KLHL32: variants seen among roughly 807,000 people sequenced by gnomAD.
The protein encoded by KLHL32 is kelch-like protein 32.
KLHL32 carries 35 observed loss-of-function variants against 64.8 expected under a neutral mutation model. That is an observed-to-expected ratio of 0.54 (90% confidence interval 0.41 to 0.72). The LOEUF (loss-of-function observed/expected upper bound fraction) is 0.72. Among genes scored for constraint, KLHL32 ranks in the 30% least tolerant of loss-of-function variants. The pLI is 0.00. For synonymous variants in KLHL32, 259 were observed against 281.0 expected (o/e 0.92, Z 0.78); for missense variants, 589 against 768.5 (o/e 0.77, Z 2.76).
chr6:96,957,065 G>T (rs1773360867), intron 1 of KLHL32, among the ~76,000 whole-genome samples: 1 of 152,170 alleles, frequency 6.6e-6, no homozygotes, highest in Non-Finnish European at 1.5e-5. Flanking sequence ...TTTGATTTAT[G>T]CCAAAGATTA....
the KLHL32 span, among the ~76,000 whole-genome samples, chr6:96,916,144 G>T: frequency 1.3e-5 from 2 of 151,598 alleles, no homozygotes; most frequent in South Asian, 2.1e-4. Flanking sequence ...TACAGGAATC[G>T]AAAGTGAGGT....
chr6:96,906,692 G>C, the KLHL32 span, among the ~76,000 whole-genome samples: 2 of 152,276 alleles, frequency 1.3e-5, no homozygotes, highest in Admixed American at 1.3e-4. Context: ...ACTTGAGCTG[G>C]ACAGATAGAC....
chr6:97,128,399 G>GT (rs1190362137), intron 8 of KLHL32, among the ~76,000 whole-genome samples: 16 of 152,334 alleles, frequency 1.1e-4, no homozygotes, highest in African/African-American at 3.6e-4. Flanking sequence ...GTTAATTGCA[G>GT]TTGCTTGAGT....
intron 3 of KLHL32, among the ~76,000 whole-genome samples, chr6:97,019,143 A>G (rs1253572698): frequency 1.3e-5 from 2 of 152,230 alleles, no homozygotes; most frequent in South Asian, 2.1e-4. Context: ...TTAAAAGTCT[A>G]TGAGATAAAA....
chr6:96,964,414 C>T (rs951226885), intron 1 of KLHL32, among the ~76,000 whole-genome samples: 7 of 152,166 alleles, frequency 4.6e-5, no homozygotes, highest in Non-Finnish European at 7.3e-5. Context: ...AGCGCTTTGG[C>T]ACGCCCAGAT....
In KLHL32 at chr6:97,085,123, C is replaced by T. The variant is rs781377206; in HGVS notation, c.412-3C>T. On this transcript the variant is annotated splice_region_variant and splice_polypyrimidine_tract_variant and intron_variant, in intron 5 of 10. Transcript: ENST00000369261. ...TTTTTCATTTTTATTTTTTGGCACC[C>T]AGGAATTAAATAGCTTTAATTACTT... The T allele has an allele frequency of 3.1e-6, 5 of 1,606,072 alleles. No individual in the cohort carries two copies. Among genetic ancestry groups the T allele is most frequent in the Non-Finnish European group, 4.3e-6 (5 of 1,175,238 alleles).
chr6:96,954,166 C>T (rs1054509530), intron 1 of KLHL32, among the ~76,000 whole-genome samples: 2 of 152,026 alleles, frequency 1.3e-5, no homozygotes, highest in Admixed American at 6.6e-5. Context: ...TAATAACTTC[C>T]TGGGAAACAA....
chr6:97,097,728 A>G (rs1483788107), intron 6 of KLHL32, among the ~76,000 whole-genome samples: 1 of 152,130 alleles, frequency 6.6e-6, no homozygotes, highest in East Asian at 1.9e-4. Context: ...AACTTTAAAA[A>G]TCCGTCCTTA....
chr6:96,900,193 AT>A, the KLHL32 span, among the ~76,000 whole-genome samples: 2 of 152,202 alleles, frequency 1.3e-5, no homozygotes, highest in Non-Finnish European at 2.9e-5. Context: ...CACTTTGCTC[AT>A]CTTAAAATTG....
chr6:97,067,275 T>G (rs1029613578), intron 5 of KLHL32, among the ~76,000 whole-genome samples: 1 of 152,130 alleles, frequency 6.6e-6, no homozygotes, highest in Non-Finnish European at 1.5e-5. Context: ...CTCTTTCATT[T>G]CCTCTGGCAG....
Position 97,103,292 on chromosome 6 carries a change from C to T in KLHL32, c.628-10491C>T, listed in dbSNP as rs528177372. Among the ~76,000 whole-genome samples, 55 of 150,638 alleles carry T rather than the reference C, an allele frequency of 3.7e-4. 3 individuals carry two copies. The South Asian group carries it at 9.4e-3, about 26-fold the overall frequency. ...GCAGTGGTGCGATCTCAGCTCACTG[C>T]AAGCTCCGCTTCCCAGGTTCATGCG... On this transcript the variant is annotated intron_variant, in intron 6 of 10. Coordinates refer to ENST00000369261, the MANE Select transcript of KLHL32 (RefSeq NM_052904.4).
chr6:96,933,431 G>C (rs760285364), intron 1 of KLHL32, among the ~76,000 whole-genome samples: 2 of 152,108 alleles, frequency 1.3e-5, no homozygotes, highest in Non-Finnish European at 2.9e-5. Flanking sequence ...TTGGATGCAG[G>C]GACAAGGCAA....
chr6:96,996,776 G>A lies in KLHL32; in HGVS notation c.204+20599G>A, dbSNP rs556789338. ...CTGTTCTCAGGCAACTATTCTAAAT[G>A]TTTTATGTGTATCAAACTCATTTAA... is the stretch of plus-strand genomic sequence containing the variant. On this transcript the variant is annotated intron_variant, in intron 3 of 10. Transcript: ENST00000369261. Among the ~76,000 whole-genome samples, 3 of 152,190 alleles carry A rather than the reference G, an allele frequency of 2.0e-5. No homozygotes were observed. The East Asian group carries it at 5.8e-4, about 29-fold the overall frequency.
At chr6:97,027,022 C>T (rs1246345409) in intron 3 of KLHL32, among the ~76,000 whole-genome samples, 9 of 151,790 alleles carry the variant, frequency 5.9e-5, no homozygotes, top group Admixed American at 5.3e-4. Flanking sequence ...ACCAGCTGGG[C>T]GTGGTGGCGT....
chr6:96,976,712 C>G (rs2128044550), intron 3 of KLHL32, among the ~76,000 whole-genome samples: 1 of 152,268 alleles, frequency 6.6e-6, no homozygotes, highest in Middle Eastern at 3.4e-3. Flanking sequence ...GATTCTCCTG[C>G]CTTAGCCTCC....
intron 3 of KLHL32, among the ~76,000 whole-genome samples, chr6:96,989,342 C>CT (rs1376486318): frequency 6.6e-6 from 1 of 152,148 alleles, no homozygotes; most frequent in Admixed American, 6.5e-5. Context: ...GATTTTATTT[C>CT]TCCTTCACTT....
intron 6 of KLHL32, among the ~76,000 whole-genome samples, chr6:97,107,091 G>A (rs1796512890): frequency 6.6e-6 from 1 of 152,150 alleles, no homozygotes; most frequent in Non-Finnish European, 1.5e-5. Context: ...AGGAGATCGA[G>A]ACCATCTTGG....
intron 3 of KLHL32, among the ~76,000 whole-genome samples, chr6:96,990,194 A>G (rs907786285): frequency 2.6e-5 from 4 of 152,114 alleles, no homozygotes; most frequent in African/African-American, 7.2e-5. Flanking sequence ...TTTTTGTACT[A>G]GTTCTTTCTT....
At chr6:97,057,332 C>A (rs1160412440) in intron 4 of KLHL32, among the ~76,000 whole-genome samples, 1 of 127,014 alleles carries the variant, frequency 7.9e-6, no homozygotes, top group African/African-American at 3.6e-5. Flanking sequence ...TACAGGCACG[C>A]GCCACCATGC....
Sources: allele counts gnomAD v4.1 joint callset (sites outside exome capture counted in the v4.1 genomes callset), GRCh38; gene constraint gnomAD v4.1.1; transcripts MANE v1.5; gene names NCBI Gene and HGNC (gene_info 2026-07-23, HGNC 2026-07-21).